Variants in AFAP1 observed in about 807,000 individuals in gnomAD.
The protein encoded by AFAP1 is actin filament associated protein 1, also known as actin filament-associated protein 1.
Under a neutral mutation model 93.9 loss-of-function variants are expected in AFAP1, and 75 were observed. That is an observed-to-expected ratio of 0.80 (90% CI 0.66 to 0.97). The LOEUF (loss-of-function observed/expected upper bound fraction) is 0.97, where lower values mean the gene tolerates loss of function less well. AFAP1 is among the 50% of genes least tolerant of loss of function. AFAP1 has a pLI of 0.00. For missense variants in AFAP1, 1,201 were observed against 1,050.8 expected (o/e 1.14, Z -1.98); for synonymous variants, 517 against 430.7 (o/e 1.20, Z -2.48).
intron 6 of AFAP1, among the ~76,000 whole-genome samples, chr4:7,834,206 G>C (rs578067585): frequency 6.6e-6 from 1 of 152,030 alleles, no homozygotes; most frequent in Non-Finnish European, 1.5e-5. Context: ...TGAGATTGGA[G>C]ACTATTATTC....
chr4:7,859,636 A>C (rs1577305990), intron 3 of AFAP1, among the ~76,000 whole-genome samples: 1 of 152,220 alleles, frequency 6.6e-6, no homozygotes, highest in South Asian at 2.1e-4. Context: ...AAAGCTCCTA[A>C]ACTTTTAGTT....
intron 1 of AFAP1, among the ~76,000 whole-genome samples, chr4:7,899,582 A>G (rs944477363): frequency 6.6e-6 from 1 of 152,206 alleles, no homozygotes; most frequent in Admixed American, 6.5e-5. Flanking sequence ...TTCATTATCA[A>G]TGGCATGTAA....
chr4:7,855,232 T>C (rs1253945500), intron 4 of AFAP1, among the ~76,000 whole-genome samples: 3 of 152,242 alleles, frequency 2.0e-5, no homozygotes, highest in Non-Finnish European at 2.9e-5. Context: ...CAATAAGCTT[T>C]CACTACCTCT....
At chr4:7,881,889 C>T (rs944719198) in intron 1 of AFAP1, among the ~76,000 whole-genome samples, 3 of 152,194 alleles carry the variant, frequency 2.0e-5, no homozygotes, top group African/African-American at 4.8e-5. Flanking sequence ...TAAGTAGCCC[C>T]CCCAAATTAT....
chr4:7,893,489 G>A (rs945374532), intron 1 of AFAP1, among the ~76,000 whole-genome samples: 9 of 147,630 alleles, frequency 6.1e-5, no homozygotes, highest in African/African-American at 1.8e-4. Context: ...GCTGAGGCAG[G>A]AGAATGGCGT....
intron 6 of AFAP1, among the ~76,000 whole-genome samples, chr4:7,826,702 T>G (rs1445446908): frequency 6.6e-6 from 1 of 152,092 alleles, no homozygotes; most frequent in Non-Finnish European, 1.5e-5. Flanking sequence ...TGGAAGGCAG[T>G]AGGGGAGTGA....
At chr4:7,861,188 T>C (rs1408788677) in intron 3 of AFAP1, among the ~76,000 whole-genome samples, 1 of 152,216 alleles carries the variant, frequency 6.6e-6, no homozygotes, top group Non-Finnish European at 1.5e-5. Flanking sequence ...CCAAAAAATA[T>C]ATAATTTGAA....
In AFAP1 at chr4:7,762,437, T is replaced by C. The variant is rs1713946371; in HGVS notation, c.*1328A>G. The C allele has an allele frequency of 6.6e-6, 1 of 152,212 alleles. No individual in the cohort carries two copies. Among genetic ancestry groups the C allele is most frequent in the Non-Finnish European group, 1.5e-5 (1 of 68,046 alleles). 9.4% of individuals were successfully genotyped at this position (152,212 alleles called of 1,614,324 possible). ...TGCGGAGGCGTTCAGGGGTGACTTA[T>C]TTCGTCATAAGTGACTGCATCTTCC... is the stretch of plus-strand genomic sequence containing the variant. On this transcript the variant is annotated 3_prime_UTR_variant, in exon 18 of 18. Coordinates refer to ENST00000420658, the MANE Select transcript of AFAP1 (RefSeq NM_001134647.2).
chr4:7,901,018 C>T (rs1461395011), intron 1 of AFAP1, among the ~76,000 whole-genome samples: 1 of 152,212 alleles, frequency 6.6e-6, no homozygotes, highest in African/African-American at 2.4e-5. Context: ...TTCTGCGATT[C>T]CAGCGCAGAT....
At chr4:7,858,806 G>A (rs1438823481) in intron 3 of AFAP1, among the ~76,000 whole-genome samples, 2 of 152,168 alleles carry the variant, frequency 1.3e-5, no homozygotes, top group South Asian at 4.2e-4. Context: ...AACCTTCAGT[G>A]CCCACCCCAG....
intron 17 of AFAP1, among the ~76,000 whole-genome samples, chr4:7,765,748 C>A (rs1312260489): frequency 6.6e-6 from 1 of 152,232 alleles, no homozygotes; most frequent in Non-Finnish European, 1.5e-5. Context: ...GCACAGACGC[C>A]AGGGCCAGAC....
chr4:7,926,056 G>A (rs1471920625), intron 1 of AFAP1, among the ~76,000 whole-genome samples: 24 of 152,160 alleles, frequency 1.6e-4, no homozygotes, highest in Non-Finnish European at 3.1e-4. Context: ...AGGGAGAAGC[G>A]CAAAATGTCG....
intron 9 of AFAP1, among the ~76,000 whole-genome samples, chr4:7,807,370 G>GCCT (rs1262024476): frequency 2.6e-5 from 4 of 152,190 alleles, no homozygotes; most frequent in Non-Finnish European, 5.9e-5. Flanking sequence ...TCCAAGAAAG[G>GCCT]CAGAGGTCAG....
intron 1 of AFAP1, among the ~76,000 whole-genome samples, chr4:7,910,928 C>T (rs1012949497): frequency 1.3e-5 from 2 of 152,208 alleles, no homozygotes; most frequent in Non-Finnish European, 2.9e-5. Flanking sequence ...CCTCAGTAAT[C>T]ACTCCCAGAC....
chr4:7,911,575 G>A (rs566369340), intron 1 of AFAP1, among the ~76,000 whole-genome samples: 90 of 152,292 alleles, frequency 5.9e-4, no homozygotes, highest in African/African-American at 2.0e-3. Context: ...GCAGCCTTGC[G>A]TGATCCCTTG....
rs113601679 is a variant in AFAP1 at position 7,853,548 on chromosome 4, G to A, written c.334+1918C>T. 2.1e-3 allele frequency among the ~76,000 whole-genome samples: 322 copies of A among 152,180 alleles called. 1 individual carries two copies. The highest frequency in any genetic ancestry group is 3.4e-3 in the Non-Finnish European group (230 of 68,000). On this transcript the variant is annotated intron_variant, in intron 4 of 17. Transcript: ENST00000420658. ...TCATCCAGCTTTCTTCCCGGCTGCC[G>A]GCCCGACCAGACACAGCAGAAACTG...
intron 13 of AFAP1, 47 bp from the exon 14 acceptor site, chr4:7,778,923 AAC>A: frequency 7.2e-7 from 1 of 1,394,822 alleles, no homozygotes; most frequent in Non-Finnish European, 9.9e-7. Context: ...CACAAAGTCA[AAC>A]AAATCTTGGT....
chr4:7,845,170 G>C (rs4234834), intron 4 of AFAP1, among the ~76,000 whole-genome samples: 126,256 of 152,122 alleles, frequency 0.83, 52,588 homozygotes, highest in East Asian at 0.93. Flanking sequence ...ACCTGTAATC[G>C]CAGCCCTTTG....
intron 1 of AFAP1, among the ~76,000 whole-genome samples, chr4:7,908,522 G>T (rs1195756740): frequency 6.6e-6 from 1 of 152,192 alleles, no homozygotes; most frequent in Non-Finnish European, 1.5e-5. Flanking sequence ...GTTTACCAAT[G>T]CAGCTTTGAT....
Sources: allele counts gnomAD v4.1 joint callset (sites outside exome capture counted in the v4.1 genomes callset), GRCh38; gene constraint gnomAD v4.1.1; transcripts MANE v1.5; gene names NCBI Gene and HGNC (gene_info 2026-07-23, HGNC 2026-07-21).